The following DYM variants were observed in gnomAD, a reference collection of about 807,000 sequenced individuals.
The protein encoded by DYM is dymeclin, also known as dyggve-Melchior-Clausen syndrome protein.
In DYM, 78 loss-of-function variants were observed where a neutral mutation model predicts 93.1. The observed-to-expected ratio is 0.84, with a 90% CI of 0.70 to 1.01. The LOEUF (loss-of-function observed/expected upper bound fraction) is 1.01, where lower values mean the gene tolerates loss of function less well. Among genes scored for constraint, DYM ranks in the 50% least tolerant of loss-of-function variants. DYM has a pLI of 0.00. For missense variants in DYM, 789 were observed against 845.0 expected (o/e 0.93, Z 0.82); for synonymous variants, 321 against 319.7 (o/e 1.00, Z -0.04).
chr18:49,452,117 G>A (rs2082565757), intron 1 of DYM, among the ~76,000 whole-genome samples: 1 of 152,218 alleles, frequency 6.6e-6, no homozygotes, highest in Admixed American at 6.5e-5. Flanking sequence ...CCCTCACAGT[G>A]AGTGTTACAG....
chr18:49,043,036 A>G lies in DYM; in HGVS notation c.*1019T>C, dbSNP rs973098795. 1 of 152,170 alleles carries G rather than the reference A, an allele frequency of 6.6e-6. No homozygotes were observed. Among genetic ancestry groups the G allele is most frequent in the African/African-American group, 2.4e-5 (1 of 41,426 alleles). The allele number at this position is 152,170 out of a possible 1,614,324, so 9.4% of individuals were successfully genotyped here. On this transcript the variant is annotated 3_prime_UTR_variant, in exon 18 of 18. Transcript: ENST00000675505. ...AGTAGATTAACTTAATTTGTGCTAG[A>G]CTCCAATTTAATTCCAGCAACAGTT... is the stretch of plus-strand genomic sequence containing the variant.
In DYM at chr18:49,205,962, T is replaced by C. The variant is rs375769568; in HGVS notation, c.1625+3589A>G. The C allele has an allele frequency of 1.1e-4, 20 of 174,536 alleles. No homozygotes were observed. The East Asian group carries it at 2.6e-3, about 23-fold the overall frequency. 10.8% of individuals were successfully genotyped at this position (174,536 alleles called of 1,614,324 possible). A position where few individuals can be genotyped will look rare whatever the true frequency, so the allele number is the denominator to read the frequency against. On this transcript the variant is annotated intron_variant, in intron 14 of 17. Transcript: ENST00000675505. ...TGCAGTGGAGTAAGACTTCTATCTA[T>C]AGCAGTAAGTCATGTTTGACTAAGG...
At chr18:49,435,883 T>G (rs2080819114) in intron 1 of DYM, among the ~76,000 whole-genome samples, 1 of 152,128 alleles carries the variant, frequency 6.6e-6, no homozygotes, top group African/African-American at 2.4e-5. Flanking sequence ...TCACAACCAC[T>G]AGGATTGTTT....
intron 17 of DYM, among the ~76,000 whole-genome samples, chr18:49,054,451 C>T (rs1217511601): frequency 2.6e-5 from 4 of 152,174 alleles, no homozygotes; most frequent in Admixed American, 6.5e-5. Flanking sequence ...CCATGTTGGC[C>T]AGGCTGGTCT....
chr18:49,099,859 A>C (rs12457392), intron 16 of DYM, among the ~76,000 whole-genome samples: 9,255 of 152,230 alleles, frequency 0.061, 531 homozygotes, highest in East Asian at 0.27. Context: ...TTTCCCTTGT[A>C]ATGTGGCACT....
intron 16 of DYM, among the ~76,000 whole-genome samples, chr18:49,101,318 C>T (rs1042190796): frequency 5.3e-5 from 8 of 152,200 alleles, no homozygotes; most frequent in Non-Finnish European, 1.0e-4. Flanking sequence ...TGTTTTACAA[C>T]CCTCCTCTAC....
intron 13 of DYM, 100 bp from the exon 14 acceptor site, chr18:49,209,815 A>G: frequency 1.4e-6 from 1 of 702,108 alleles, no homozygotes; most frequent in Non-Finnish European, 1.8e-6. Context: ...GTGTATCTTC[A>G]CTAGATGGTG....
In DYM at chr18:49,430,967, A is replaced by C. The variant is rs2148466275; in HGVS notation, c.-53-520T>G. Among the ~76,000 whole-genome samples, 2 of 152,320 alleles carry C rather than the reference A, an allele frequency of 1.3e-5. 1 individual carries two copies. Among genetic ancestry groups the C allele is most frequent in the South Asian group, 4.1e-4 (2 of 4,824 alleles). On this transcript the variant is annotated intron_variant, in intron 1 of 17. Coordinates refer to ENST00000675505, the MANE Select transcript of DYM (RefSeq NM_001353214.3). ...AAATCCGAATCTATATTGTACTTGT[A>C]CCATGTATCTTAGGATGGGCATAGC...
intron 6 of DYM, among the ~76,000 whole-genome samples, chr18:49,345,507 G>C (rs2064510027): frequency 6.6e-6 from 1 of 152,094 alleles, no homozygotes; most frequent in African/African-American, 2.4e-5. Flanking sequence ...TCCAAGTAGA[G>C]GGCCCAGCAC....
At chr18:49,233,414 C>A (rs1395980030) in intron 13 of DYM, among the ~76,000 whole-genome samples, 3 of 148,874 alleles carry the variant, frequency 2.0e-5, no homozygotes, top group Non-Finnish European at 4.5e-5. Flanking sequence ...AAAAAAAAAG[C>A]ATCCATTTTT....
At chr18:49,130,444 G>A (rs1007489304) in intron 15 of DYM, among the ~76,000 whole-genome samples, 9 of 152,234 alleles carry the variant, frequency 5.9e-5, no homozygotes, top group African/African-American at 1.9e-4. Context: ...CCGGCATTCA[G>A]TAGAAAATGA....
In DYM at chr18:49,176,397, A is replaced by G. The variant is rs77626692; in HGVS notation, c.1626-12610T>C. Among the ~76,000 whole-genome samples the G allele has an allele frequency of 6.3e-3, 959 of 152,132 alleles. 9 individuals carry two copies. Among genetic ancestry groups the G allele is most frequent in the African/African-American group, 0.021 (889 of 41,510 alleles). ...TGCAAATTTCATTTGTGTTTTTAAC[A>G]TAAGCACATTTTTTTTCAATTTTTT... On this transcript the variant is annotated intron_variant, in intron 14 of 17. Coordinates refer to ENST00000675505, the MANE Select transcript of DYM (RefSeq NM_001353214.3).
At chr18:49,046,003 C>A (rs1365761542) in intron 17 of DYM, among the ~76,000 whole-genome samples, 1 of 152,012 alleles carries the variant, frequency 6.6e-6, no homozygotes, top group African/African-American at 2.4e-5. Context: ...GGGAAACAGG[C>A]CTGAACTAGG....
chr18:49,043,132 C>CT lies in DYM; in HGVS notation c.*922dup, dbSNP rs912870906. On this transcript the variant is annotated 3_prime_UTR_variant, in exon 18 of 18. Transcript: ENST00000675505. Reference sequence around the variant, plus strand: ...TAGCCATTTTCTTTTTCTTTTCTTTCTTTTTTTTTTTTTGCGAGACAGGGT... The same window carrying CT: ...TAGCCATTTTCTTTTTCTTTTCTTTCTTTTTTTTTTTTTTGCGAGACAGGGT... 905 of 142,978 alleles carry CT rather than the reference C, an allele frequency of 6.3e-3. 6 individuals carry two copies. The highest frequency in any genetic ancestry group is 0.012 in the South Asian group (55 of 4,434). 8.9% of individuals were successfully genotyped at this position (142,978 alleles called of 1,614,324 possible).
chr18:49,289,758 T>TATATACACAC, intron 8 of DYM, among the ~76,000 whole-genome samples: 1 of 38,178 alleles, frequency 2.6e-5, no homozygotes, highest in African/African-American at 6.9e-5. Flanking sequence ...TATATATATA[T>TATATACACAC]ATATATATAT....
intron 5 of DYM, among the ~76,000 whole-genome samples, chr18:49,366,846 A>T (rs1372307288): frequency 1.3e-5 from 2 of 152,236 alleles, no homozygotes; most frequent in Non-Finnish European, 1.5e-5. Flanking sequence ...ATGAATAGTT[A>T]ATGATTATGA....
At chr18:49,177,688 T>C (rs1465202049) in intron 14 of DYM, among the ~76,000 whole-genome samples, 4 of 152,192 alleles carry the variant, frequency 2.6e-5, no homozygotes, top group African/African-American at 4.8e-5. Context: ...TATTAATTTA[T>C]ACTTGTCCTA....
In DYM at chr18:49,403,733, C is replaced by T. The variant is rs192137366; in HGVS notation, c.141-12088G>A. On this transcript the variant is annotated intron_variant, in intron 2 of 17. Coordinates refer to ENST00000675505, the MANE Select transcript of DYM (RefSeq NM_001353214.3). ...TACCCAACAGTTTTTTAACCCTTGT[C>T]CCCCTCCTTCTTCCCCCCATAGTAG... is the stretch of plus-strand genomic sequence containing the variant. 3.0e-4 allele frequency among the ~76,000 whole-genome samples: 44 copies of T among 147,906 alleles called. No homozygotes were observed. The East Asian group carries it at 4.4e-3, about 15-fold the overall frequency.
At chr18:49,086,825 TA>T (rs1428059115) in intron 17 of DYM, among the ~76,000 whole-genome samples, 7 of 151,674 alleles carry the variant, frequency 4.6e-5, no homozygotes, top group Non-Finnish European at 8.8e-5. Flanking sequence ...CCATCACTAC[TA>T]AAAATACAAA....
Sources: gnomAD v4.1 joint callset for allele counts (sites outside exome capture counted in the v4.1 genomes callset) on GRCh38, gnomAD v4.1.1 for gene constraint, MANE v1.5 for transcripts, NCBI Gene and HGNC (gene_info 2026-07-23, HGNC 2026-07-21) for gene names.